PRDM9: variants seen among roughly 807,000 people sequenced by gnomAD.
PRDM9 encodes the protein histone-lysine N-methyltransferase PRDM9.
A neutral mutation model predicts 55.6 loss-of-function variants in PRDM9; 47 were observed. The ratio of observed to expected loss-of-function variants is 0.85; its 90% CI spans 0.67 to 1.08. The LOEUF (loss-of-function observed/expected upper bound fraction) is 1.08, where lower values mean the gene tolerates loss of function less well. Among genes scored for constraint, PRDM9 ranks in the 50% least tolerant of loss-of-function variants. PRDM9 has a pLI of 0.00. For missense variants in PRDM9, 867 were observed against 1,040.3 expected (o/e 0.83, Z 2.29); for synonymous variants, 312 against 375.7 (o/e 0.83, Z 1.96).
At chr5:23,515,923 A>G (rs565045832) in intron 4 of PRDM9, among the ~76,000 whole-genome samples, 2 of 152,276 alleles carry the variant, frequency 1.3e-5, no homozygotes, top group South Asian at 2.1e-4. Flanking sequence ...GCTTTGTAAT[A>G]TGCTTTGAAA....
intron 4 of PRDM9, among the ~76,000 whole-genome samples, chr5:23,515,000 G>A (rs1181111148): frequency 7.1e-6 from 1 of 141,284 alleles, no homozygotes; most frequent in South Asian, 2.2e-4. Flanking sequence ...TTTCGCTCCT[G>A]TTGCCCAGGC....
In PRDM9 at chr5:23,525,940, C is replaced by T. The variant is rs114460909; in HGVS notation, c.1145-293C>T. On this transcript the variant is annotated intron_variant, in intron 10 of 10. Coordinates refer to ENST00000296682, the MANE Select transcript of PRDM9 (RefSeq NM_020227.4). ...AATACCTGCAGTGTGGGGAAAAGGT[C>T]ACTGCAGTTCCATCTATGTAAGGAA... 3.5e-3 allele frequency among the ~76,000 whole-genome samples: 536 copies of T among 152,164 alleles called. 1 individual carries two copies. Among genetic ancestry groups the T allele is most frequent in the African/African-American group, 0.012 (504 of 41,518 alleles).
intron 10 of PRDM9, 62 bp from the exon 11 acceptor site, chr5:23,526,171 A>G: frequency 6.6e-7 from 1 of 1,510,414 alleles, no homozygotes; most frequent in Admixed American, 1.7e-5. Flanking sequence ...TGATCTTCAT[A>G]CCTTCATATG....
chr5:23,523,417 T>C, intron 9 of PRDM9, 59 bp downstream of exon 9: 1 of 1,533,742 alleles, frequency 6.5e-7, no homozygotes, highest in Non-Finnish European at 9.0e-7. Context: ...AAAGCTGGAT[T>C]TCCTTCCTTA....
chr5:23,521,203 C>A (rs748213132), intron 6 of PRDM9, 24 bp downstream of exon 6: 2 of 1,611,406 alleles, frequency 1.2e-6, no homozygotes, highest in South Asian at 1.1e-5. Context: ...TTTGCGGGGA[C>A]TTTAGTCCCT....
At chr5:23,520,525 A>G (rs1004052103) in intron 5 of PRDM9, among the ~76,000 whole-genome samples, 3 of 152,030 alleles carry the variant, frequency 2.0e-5, no homozygotes, top group Non-Finnish European at 4.4e-5. Context: ...GGATATGGCA[A>G]CATGCAACTT....
chr5:23,513,693 A>G (rs1470290131), intron 4 of PRDM9, among the ~76,000 whole-genome samples: 2 of 152,092 alleles, frequency 1.3e-5, no homozygotes, highest in African/African-American at 4.8e-5. Context: ...CAGCCTGGCC[A>G]GCTTGGTGAA....
rs761061137 is a variant in PRDM9 at position 23,509,517 on chromosome 5, A to G, written c.117A>G (p.Glu39=). ...TTTCCATATACTTCACCAAGGAAGA[A>G]TGGGCAGAGATGGGAGACTGGGAGA... The part of the protein sequence containing the change: ...KDISIYFTKE[E]WAEMGDWEKT... Residue 39 remains glutamate (E), a synonymous_variant, in exon 3 of 11, where the codon GAA becomes GAG. Transcript: ENST00000296682. The G allele has an allele frequency of 6.2e-7, 1 of 1,614,084 alleles. No individual in the cohort carries two copies.
Position 23,527,594 on chromosome 5 carries a change from G to T in PRDM9, c.2506G>T (p.Glu836Ter), listed in dbSNP as rs753018012. ...HTGEKPYVCR[E>*]CGRGFRNKSH... ...AGGGGAGAAGCCCTATGTCTGCAGG[G>T]AGTGTGGGCGGGGCTTTCGCAATAA... The change falls in exon 11 of 11, where the codon GAG (glutamate) becomes TAG (stop). Residue 836 changes from glutamate to a stop codon, truncating the protein, a stop_gained. Transcript: ENST00000296682. LOFTEE classifies it low-confidence loss of function (END_TRUNC). 1 of 1,509,832 alleles carries T rather than the reference G, an allele frequency of 6.6e-7. No individual in the cohort carries two copies. Among genetic ancestry groups the T allele is most frequent in the East Asian group, 2.7e-5 (1 of 37,214 alleles). The allele number at this position is 1,509,832 out of a possible 1,614,324, so 93.5% of individuals were successfully genotyped here. A position where few individuals can be genotyped will look rare whatever the true frequency, so the allele number is the denominator to read the frequency against.
Position 23,527,464 on chromosome 5 carries a change from C to G in PRDM9, c.2376C>G (p.Leu792=), listed in dbSNP as rs759279462. ...GCTTTAGAGATAAGTCAAACCTCCT[C>G]AGTCACCAGAGGACACACACAGGGG... ...GRGFRDKSNL[L]SHQRTHTGEK... The change falls in exon 11 of 11, where the codon CTC becomes CTG. Residue 792 remains leucine, a synonymous_variant. Coordinates refer to ENST00000296682, the MANE Select transcript of PRDM9 (RefSeq NM_020227.4). 1.9e-6 allele frequency: 3 copies of G among 1,597,918 alleles called. No individual in the cohort carries two copies. The highest frequency in any genetic ancestry group is 3.4e-5 in the Admixed American group (2 of 57,994).
chr5:23,517,893 G>T lies in PRDM9; in HGVS notation c.314G>T (p.Trp105Leu), dbSNP rs2126419788. Residue 105 changes from tryptophan (W) to leucine (L), a missense_variant, in exon 5 of 11, where the codon TGG (tryptophan) becomes TTG (leucine). Physicochemically the swap from Trp to Leu is moderately conservative, Grantham distance 61. This residue lies in a region of PRDM9 where 662 missense variants were observed against 711.9 expected (regional missense o/e 0.93). Coordinates refer to ENST00000296682, the MANE Select transcript of PRDM9 (RefSeq NM_020227.4). The part of the protein sequence containing the change: ...WTPRQQVKPP[W>L]MALRVEQRKH... ...CATCACCTTTTAGTCAAACCTCCTT[G>T]GATGGCCTTAAGAGTGGAACAGCGT... 6.2e-7 allele frequency: 1 copy of T among 1,602,432 alleles called. No individual in the cohort carries two copies. The highest frequency in any genetic ancestry group is 8.6e-7 in the Non-Finnish European group (1 of 1,169,396).
intron 9 of PRDM9, 97 bp from the exon 10 acceptor site, chr5:23,524,237 C>T: frequency 6.7e-7 from 1 of 1,494,330 alleles, no homozygotes; most frequent in Non-Finnish European, 9.3e-7. Flanking sequence ...CAGCACTAGA[C>T]CATGGAGGCC....
intron 10 of PRDM9, among the ~76,000 whole-genome samples, chr5:23,525,477 G>T (rs1369874249): frequency 3.9e-5 from 6 of 152,128 alleles, no homozygotes; most frequent in Admixed American, 6.6e-5. Flanking sequence ...GCCTGAGAGA[G>T]AACATATTCT....
chr5:23,520,910 G>T, intron 5 of PRDM9, 113 bp from the exon 6 acceptor site: 1 of 1,232,592 alleles, frequency 8.1e-7, no homozygotes, highest in Non-Finnish European at 1.2e-6. Flanking sequence ...GACACTCTAG[G>T]TATTTTCAAG....
intron 5 of PRDM9, among the ~76,000 whole-genome samples, chr5:23,520,673 A>G (rs935735323): frequency 2.6e-5 from 4 of 152,066 alleles, no homozygotes; most frequent in African/African-American, 9.7e-5. Context: ...CCTTCTATCA[A>G]AAGTCTACTA....
intron 4 of PRDM9, among the ~76,000 whole-genome samples, chr5:23,510,702 C>T (rs1267435571): frequency 6.6e-6 from 1 of 151,576 alleles, no homozygotes; most frequent in East Asian, 2.0e-4. Context: ...GACAAGGTCT[C>T]ACTCTGTCAC....
At chr5:23,520,880 T>C in intron 5 of PRDM9, 143 bp from the exon 6 acceptor site, 1 of 972,680 alleles carries the variant, frequency 1.0e-6, no homozygotes, top group South Asian at 1.5e-5. Flanking sequence ...TTAGACCTTC[T>C]CTTTTCCCTC....
chr5:23,522,659 A>G lies in PRDM9; in HGVS notation c.656A>G (p.His219Arg), dbSNP rs1427142577. ...TTCTTCATTGACAGCTGTGCTGCCC[A>G]TGGGCCCCCTACATTTGTAAAGGAC... ...QNFFIDSCAA[H>R]GPPTFVKDSA... The change falls in exon 8 of 11, where the codon CAT becomes CGT. Residue 219 changes from histidine to arginine, a missense_variant. By Grantham distance (29) the His-to-Arg change is conservative (BLOSUM62 0). Around this residue, in one of 5 missense-constraint regions of PRDM9, gnomAD observed 662 missense variants for 711.9 expected, o/e 0.93. Transcript: ENST00000296682. 1.2e-6 allele frequency: 2 copies of G among 1,614,192 alleles called. No individual in the cohort carries two copies. Among genetic ancestry groups the G allele is most frequent in the Admixed American group, 1.7e-5 (1 of 60,018 alleles).
At chr5:23,524,557 A>G (rs757179081) in intron 10 of PRDM9, 30 bp downstream of exon 10, 5 of 1,612,540 alleles carry the variant, frequency 3.1e-6, no homozygotes, top group Non-Finnish European at 3.4e-6. Context: ...TTTTAAAAGG[A>G]CAGGAAAGAA....
Sources: gnomAD v4.1 joint callset for allele counts (sites outside exome capture counted in the v4.1 genomes callset) on GRCh38, gnomAD v4.1.1 for gene constraint, gnomAD v4.1.1 regional missense constraint, MANE v1.5 for transcripts, NCBI Gene and HGNC (gene_info 2026-07-23, HGNC 2026-07-21) for gene names.